The following PCDHGB3 variants were observed in gnomAD, a reference collection of about 807,000 sequenced individuals.
PCDHGB3 encodes the protein protocadherin gamma-B3.
Under a neutral mutation model 59.2 loss-of-function variants are expected in PCDHGB3, and 40 were observed. The observed-to-expected ratio is 0.68, with a 90% confidence interval of 0.52 to 0.88. The LOEUF (loss-of-function observed/expected upper bound fraction) is 0.88. Among genes scored for constraint, PCDHGB3 ranks in the 40% least tolerant of loss-of-function variants. The probability of loss-of-function intolerance (pLI) is 0.00; values close to 1 mark genes in which losing one functional copy is unlikely to be tolerated. For synonymous variants in PCDHGB3, 581 were observed against 503.6 expected (o/e 1.15, Z -2.06); for missense variants, 1,309 against 1,187.9 (o/e 1.10, Z -1.50).
chr5:141,385,638 T>C lies in PCDHGB3; in HGVS notation c.2415+12829T>C, dbSNP rs773812795. 80 of 831,646 alleles carry C rather than the reference T, an allele frequency of 9.6e-5. 1 individual carries two copies. Among genetic ancestry groups the C allele is most frequent in the Non-Finnish European group, 1.2e-4 (78 of 652,914 alleles). 51.5% of individuals were successfully genotyped at this position (831,646 alleles called of 1,614,324 possible). A position where few individuals can be genotyped will look rare whatever the true frequency, so the allele number is the denominator to read the frequency against. ...TATACATTGGAATGAATCGAGTCTT[T>C]CATATTGCACAAGGTTAGCAGGAAT... is the stretch of plus-strand genomic sequence containing the variant. On this transcript the variant is annotated intron_variant, in intron 1 of 3. Transcript: ENST00000576222.
At chr5:141,507,380 C>G (rs984406173) in intron 3 of PCDHGB3, 1 of 151,954 alleles carries the variant, frequency 6.6e-6, no homozygotes, top group African/African-American at 2.4e-5. Flanking sequence ...CTTTTATTTA[C>G]TAAATCTGGC....
At position 141,488,726 on chromosome 5, in the gene PCDHGB3, G is replaced by A. The variant is rs1562126303; in HGVS notation, c.2416-6081G>A. 2.0e-5 allele frequency among the ~76,000 whole-genome samples: 3 copies of A among 152,194 alleles called. No homozygotes were observed. The South Asian group carries it at 6.2e-4, about 32-fold the overall frequency. ...TGCTGGTTCAAGCAAAGTGGTGGAA[G>A]CTTCTGAAGTCATGCAGGAAGTTGC... On this transcript the variant is annotated intron_variant, in intron 1 of 3. Transcript: ENST00000576222.
At chr5:141,378,382 G>C (rs1774857490) in intron 1 of PCDHGB3, 1 of 152,274 alleles carries the variant, frequency 6.6e-6, no homozygotes, top group South Asian at 2.1e-4. Context: ...AATTAGCCAG[G>C]TGGGGTGGCA....
At position 141,431,108 on chromosome 5, in the gene PCDHGB3, T is replaced by C; in HGVS notation, c.2415+58299T>C. 1 of 1,614,180 alleles carries C rather than the reference T, an allele frequency of 6.2e-7. No homozygotes were observed. The highest frequency in any genetic ancestry group is 8.5e-7 in the Non-Finnish European group (1 of 1,180,032). On this transcript the variant is annotated intron_variant, in intron 1 of 3. Coordinates refer to ENST00000576222, the MANE Select transcript of PCDHGB3 (RefSeq NM_018924.5). This position sits in a 1 kb window ranked among gnomAD's most constrained non-coding sequence, Gnocchi z 4.8. ...TCTGATGGAGGATAAAGTGAAAATATATGGAGTAGAAGTAGAAGTAAGGGA... is the reference window on the plus strand; with the variant it reads ...TCTGATGGAGGATAAAGTGAAAATACATGGAGTAGAAGTAGAAGTAAGGGA...
In PCDHGB3 at chr5:141,372,299, G is replaced by T. The variant is rs35459734; in HGVS notation, c.1905G>T (p.Arg635Ser). ...EVRTARTLGDREAARQRLLVT... is the reference protein window; with the variant it reads ...EVRTARTLGDSEAARQRLLVT... The stretch of plus-strand genomic sequence containing the variant: ...GCACGGCGCGTACCTTGGGCGACAG[G>T]GAGGCCGCCCGCCAGCGCCTGCTGG... The change falls in exon 1 of 4, where the codon AGG becomes AGT. Residue 635 changes from arginine (R) to serine (S), a missense_variant. Physicochemically the swap from Arg to Ser is moderately radical, Grantham distance 110. Coordinates refer to ENST00000576222, the MANE Select transcript of PCDHGB3 (RefSeq NM_018924.5). The T allele has an allele frequency of 1.9e-3, 2,997 of 1,613,318 alleles. 22 individuals are homozygous for T. Among genetic ancestry groups the T allele is most frequent in the African/African-American group, 0.017 (1,313 of 75,058 alleles).
chr5:141,410,206 G>T (rs774541712), intron 1 of PCDHGB3: 2 of 1,614,026 alleles, frequency 1.2e-6, no homozygotes, highest in South Asian at 1.1e-5. Context: ...CAGACAACTT[G>T]CAAGAGATAC....
At chr5:141,434,883 C>T (rs1490696834) in intron 1 of PCDHGB3, among the ~76,000 whole-genome samples, 1 of 151,644 alleles carries the variant, frequency 6.6e-6, no homozygotes, top group Non-Finnish European at 1.5e-5. Context: ...ATACCAACAA[C>T]AATCCAGTCC....
chr5:141,483,648 TTGTGTGTGTGTGTG>T (rs111458813), intron 1 of PCDHGB3, among the ~76,000 whole-genome samples: 1 of 149,592 alleles, frequency 6.7e-6, no homozygotes, highest in Non-Finnish European at 1.5e-5. Flanking sequence ...GGGTGTGTGT[TTGTGTGTGTGTGTG>T]TGTGTGTAAA....
At chr5:141,437,832 G>A (rs929534984) in intron 1 of PCDHGB3, among the ~76,000 whole-genome samples, 2 of 151,794 alleles carry the variant, frequency 1.3e-5, no homozygotes, top group Admixed American at 1.3e-4. Context: ...CTGCCTCCTG[G>A]GTTCATGCTA....
chr5:141,433,162 A>G, intron 1 of PCDHGB3: 1 of 1,613,890 alleles, frequency 6.2e-7, no homozygotes, highest in Non-Finnish European at 8.5e-7. Flanking sequence ...TATTTTCTAA[A>G]GACAGTCATG....
intron 1 of PCDHGB3, chr5:141,409,268 A>G (rs753457286): frequency 1.5e-5 from 24 of 1,613,896 alleles, no homozygotes; most frequent in Non-Finnish European, 2.0e-5. Context: ...CTCTGATCAG[A>G]TTTTGGAGAA....
chr5:141,480,914 G>A (rs959577133), intron 1 of PCDHGB3, among the ~76,000 whole-genome samples: 18 of 151,978 alleles, frequency 1.2e-4, no homozygotes, highest in South Asian at 4.2e-4. Flanking sequence ...GCATGGTGGC[G>A]CATACCTGTA....
intron 1 of PCDHGB3, chr5:141,383,092 C>G (rs200016406): frequency 6.2e-7 from 1 of 1,613,932 alleles, no homozygotes; most frequent in South Asian, 1.1e-5. Context: ...GCGCGGAGTC[C>G]GCATCATCTC....
chr5:141,398,092 T>C (rs748472174), intron 1 of PCDHGB3: 19 of 1,598,994 alleles, frequency 1.2e-5, no homozygotes, highest in Non-Finnish European at 1.6e-5. Flanking sequence ...ACCTGGCGTC[T>C]CCAGGCTGGT....
intron 1 of PCDHGB3, chr5:141,395,547 TGTGTG>T (rs2093267739): frequency 0.011 from 1,902 of 174,314 alleles, 94 homozygotes; most frequent in African/African-American, 0.026. Flanking sequence ...ATTGTTTGTG[TGTGTG>T]TGTGTGTGTG....
rs771341809 is a variant in PCDHGB3 at position 141,404,607 on chromosome 5, T to C, written c.2415+31798T>C. 5 of 1,613,938 alleles carry C rather than the reference T, an allele frequency of 3.1e-6. No homozygotes were observed. The African/African-American group carries it at 6.7e-5, about 22-fold the overall frequency. ...AGCAATGTGTCATTGAGACTGTTTG[T>C]TTTGGACCAGAATGACAATGCCCCA... On this transcript the variant is annotated intron_variant, in intron 1 of 3. Coordinates refer to ENST00000576222, the MANE Select transcript of PCDHGB3 (RefSeq NM_018924.5).
At position 141,371,418 on chromosome 5, in the gene PCDHGB3, G is replaced by T; in HGVS notation, c.1024G>T (p.Asp342Tyr). Residue 342 changes from aspartate (D) to tyrosine (Y), a missense_variant, in exon 1 of 4, where the codon GAC (aspartate) becomes TAC (tyrosine). Transcript: ENST00000576222. ...ACAGATAGATATTTCAGATGAAAAT[G>T]ACAATGCCCCGGAGATAACCCTGGC... is the stretch of plus-strand genomic sequence containing the variant. ...KVQIDISDENDNAPEITLASE... is the reference protein window; with the variant it reads ...KVQIDISDENYNAPEITLASE... 6.2e-7 allele frequency: 1 copy of T among 1,614,006 alleles called. No individual in the cohort carries two copies.
chr5:141,508,790 C>T (rs1181979966), intron 3 of PCDHGB3, among the ~76,000 whole-genome samples: 1 of 152,072 alleles, frequency 6.6e-6, no homozygotes, highest in African/African-American at 2.4e-5. Flanking sequence ...CCCTAAATCA[C>T]TCTGGAATCC....
rs368232567 is a variant in PCDHGB3, at chr5:141,371,262, C to G, written c.868C>G (p.Gln290Glu). The G allele has an allele frequency of 2.9e-5, 46 of 1,613,882 alleles. No individual in the cohort carries two copies. The African/African-American group carries it at 5.6e-4, about 20-fold the overall frequency. Residue 290 changes from glutamine (Q) to glutamate (E), a missense_variant, in exon 1 of 4, where the codon CAA (glutamine) becomes GAA (glutamate). Transcript: ENST00000576222. ...AFINIGKEVR[Q>E]LFKLDSKTGE... ...CATCAATATTGGCAAGGAAGTGAGACAACTGTTCAAGCTGGACAGTAAAAC... is the reference window on the plus strand; with the variant it reads ...CATCAATATTGGCAAGGAAGTGAGAGAACTGTTCAAGCTGGACAGTAAAAC...
Sources: allele counts gnomAD v4.1 joint callset (sites outside exome capture counted in the v4.1 genomes callset), GRCh38; gene constraint gnomAD v4.1.1; non-coding constraint Gnocchi (gnomAD v3.1); transcripts MANE v1.5; gene names NCBI Gene and HGNC (gene_info 2026-07-23, HGNC 2026-07-21).